PABPC4L: variants seen among roughly 807,000 people sequenced by gnomAD.
PABPC4L encodes poly(A) binding protein cytoplasmic 4 like, also known as polyadenylate-binding protein 4-like.
For missense variants in PABPC4L, 452 were observed against 451.4 expected, an observed-to-expected ratio of 1.00 and a Z score of -0.01; for synonymous variants, 169 against 164.1, an observed-to-expected ratio of 1.03 and a Z score of -0.23.
the PABPC4L span, among the ~76,000 whole-genome samples, chr4:134,068,583 G>T: frequency 1.3e-5 from 2 of 152,246 alleles, no homozygotes; most frequent in Admixed American, 1.3e-4. Context: ...TGGTTATTAT[G>T]CAGACTGTGA....
the PABPC4L span, among the ~76,000 whole-genome samples, chr4:134,127,294 C>T: frequency 3.3e-5 from 5 of 152,038 alleles, no homozygotes; most frequent in South Asian, 2.1e-4. Flanking sequence ...CCCTATACAA[C>T]GGCAGCTGAT....
At chr4:134,017,782 C>A in the PABPC4L span, among the ~76,000 whole-genome samples, 1 of 152,000 alleles carries the variant, frequency 6.6e-6, no homozygotes, top group Non-Finnish European at 1.5e-5. Flanking sequence ...CACAATATCA[C>A]CCCTTACCAC....
At chr4:134,111,598 T>G in the PABPC4L span, among the ~76,000 whole-genome samples, 19 of 151,962 alleles carry the variant, frequency 1.3e-4, no homozygotes, top group African/African-American at 3.6e-4. Flanking sequence ...ATATAAATTT[T>G]AAATCAAAGT....
the PABPC4L span, among the ~76,000 whole-genome samples, chr4:134,042,609 T>A: frequency 6.6e-6 from 1 of 152,202 alleles, no homozygotes; most frequent in South Asian, 2.1e-4. Context: ...GGGAACACTA[T>A]TAATAATTTT....
In PABPC4L at chr4:134,201,101, G is replaced by A. The variant is rs1037160351; in HGVS notation, c.-82C>T. On this transcript the variant is annotated 5_prime_UTR_variant, in exon 2 of 2. Transcript: ENST00000421491. ...GGGGGGATACTAGGTCACAGCTTTG[G>A]CCCGGTTCAAGTGTGGAGGCCTCGG... is the stretch of plus-strand genomic sequence containing the variant. 7.1e-6 allele frequency: 11 copies of A among 1,550,672 alleles called. No individual in the cohort carries two copies. Among genetic ancestry groups the A allele is most frequent in the Non-Finnish European group, 9.6e-6 (11 of 1,146,886 alleles).
In PABPC4L at chr4:134,200,944, G is replaced by A. The variant is rs372662684; in HGVS notation, c.76C>T (p.Leu26=). The change falls in exon 2 of 2, where the codon CTG becomes TTG. Residue 26 remains leucine, a synonymous_variant. Transcript: ENST00000421491. The part of the protein sequence containing the change: ...DLHADVTEDL[L]FRKFSTVGPV... ...CCCACAGTGCTGAACTTCCTGAACA[G>A]CAGGTCCTCGGTGACATCTGCATGT... The A allele has an allele frequency of 1.5e-4, 231 of 1,557,804 alleles. 2 individuals carry two copies. In the Middle Eastern group the frequency reaches 2.0e-3, roughly 13 times the overall value.
the PABPC4L span, among the ~76,000 whole-genome samples, chr4:134,077,898 T>G: frequency 1.3e-5 from 2 of 152,136 alleles, no homozygotes; most frequent in African/African-American, 4.8e-5. Context: ...TATCTTTAAC[T>G]AAATTACATA....
At chr4:133,969,412 C>CAG in the PABPC4L span, among the ~76,000 whole-genome samples, 53,092 of 151,870 alleles carry the variant, frequency 0.35, 9,647 homozygotes, top group Admixed American at 0.47. Context: ...AGGCCTGTGT[C>CAG]GGCACATGGC....
At chr4:134,070,959 C>T in the PABPC4L span, among the ~76,000 whole-genome samples, 70 of 152,136 alleles carry the variant, frequency 4.6e-4, 1 homozygote, top group Admixed American at 4.4e-3. Context: ...GCATGGCGAG[C>T]CTTGGGAAAT....
At chr4:134,081,646 C>A in the PABPC4L span, among the ~76,000 whole-genome samples, 2 of 151,906 alleles carry the variant, frequency 1.3e-5, no homozygotes, top group Admixed American at 1.3e-4. Context: ...GCATAGCCAA[C>A]GGTACTGGAA....
chr4:134,046,721 G>C, the PABPC4L span, among the ~76,000 whole-genome samples: 1 of 152,128 alleles, frequency 6.6e-6, no homozygotes, highest in East Asian at 1.9e-4. Flanking sequence ...GGTTAATTGA[G>C]AATGGAGAAT....
chr4:134,158,868 A>C, the PABPC4L span, among the ~76,000 whole-genome samples: 1 of 152,126 alleles, frequency 6.6e-6, no homozygotes, highest in Non-Finnish European at 1.5e-5. Flanking sequence ...GGTATAGCCT[A>C]TAACACACTC....
chr4:134,177,646 G>C, the PABPC4L span, among the ~76,000 whole-genome samples: 3 of 152,036 alleles, frequency 2.0e-5, no homozygotes, highest in Non-Finnish European at 4.4e-5. Flanking sequence ...AACTCATCTG[G>C]TAAGCACAAC....
chr4:134,153,261 C>A, the PABPC4L span, among the ~76,000 whole-genome samples: 1 of 152,018 alleles, frequency 6.6e-6, no homozygotes, highest in Admixed American at 6.6e-5. Flanking sequence ...ATTCATCACT[C>A]TTCTGTCTTT....
At chr4:134,030,782 C>T in the PABPC4L span, among the ~76,000 whole-genome samples, 2 of 151,870 alleles carry the variant, frequency 1.3e-5, no homozygotes, top group African/African-American at 2.4e-5. Context: ...CTGAAGATAG[C>T]AAATTAAAAT....
the PABPC4L span, among the ~76,000 whole-genome samples, chr4:134,137,633 T>C: frequency 1.3e-5 from 2 of 151,920 alleles, no homozygotes; most frequent in African/African-American, 4.8e-5. Flanking sequence ...TTCCTTATTC[T>C]TGCTCCTCTA....
the PABPC4L span, among the ~76,000 whole-genome samples, chr4:134,031,769 C>T: frequency 4.0e-5 from 6 of 151,872 alleles, no homozygotes; most frequent in African/African-American, 9.7e-5. Context: ...TAACAATAAT[C>T]TCTGCCCCTT....
At chr4:134,186,329 T>C in the PABPC4L span, among the ~76,000 whole-genome samples, 692 of 152,254 alleles carry the variant, frequency 4.5e-3, 9 homozygotes, top group African/African-American at 0.016. Context: ...ATGGTACTGG[T>C]ACCAAAACAG....
chr4:134,057,664 A>T, the PABPC4L span, among the ~76,000 whole-genome samples: 1 of 152,156 alleles, frequency 6.6e-6, no homozygotes, highest in Admixed American at 6.6e-5. Flanking sequence ...CAACAGTGGA[A>T]GTCTGTTTTT....
Sources: gnomAD v4.1 joint callset for allele counts (sites outside exome capture counted in the v4.1 genomes callset) on GRCh38, gnomAD v4.1.1 for gene constraint, MANE v1.5 for transcripts, NCBI Gene and HGNC (gene_info 2026-07-23, HGNC 2026-07-21) for gene names.